Variants in SLC1A2 observed in about 807,000 individuals in gnomAD.
The protein encoded by SLC1A2 is solute carrier family 1 member 2.
In SLC1A2, 15 loss-of-function variants were observed where a neutral mutation model predicts 48.8. The observed-to-expected ratio is 0.31, with a 90% CI of 0.21 to 0.47. The LOEUF (loss-of-function observed/expected upper bound fraction) is 0.47, where lower values mean the gene tolerates loss of function less well. Ranked by LOEUF, SLC1A2 falls within the 20% of genes least tolerant of loss-of-function variation. SLC1A2 has a pLI of 0.99. For missense variants in SLC1A2, 502 were observed against 730.5 expected (o/e 0.69, Z 3.61); for synonymous variants, 279 against 272.6 (o/e 1.02, Z -0.23).
rs6484772 is a variant in SLC1A2 at position 35,269,072 on chromosome 11, T to C, written c.1422-3314A>G. Among the ~76,000 whole-genome samples, 1,002 of 152,308 alleles carry C rather than the reference T, an allele frequency of 6.6e-3. 10 individuals carry two copies. Among genetic ancestry groups the C allele is most frequent in the African/African-American group, 0.023 (948 of 41,562 alleles). On this transcript the variant is annotated intron_variant, in intron 9 of 10. Coordinates refer to ENST00000278379, the MANE Select transcript of SLC1A2 (RefSeq NM_004171.4). ...TGGAGATGGGACCATTGGGAGGTGA[T>C]TAGGTCACAAGGGTGGAGCCTTCAT...
intron 1 of SLC1A2, among the ~76,000 whole-genome samples, chr11:35,323,744 C>A (rs1034703808): frequency 1.3e-5 from 2 of 152,250 alleles, no homozygotes; most frequent in East Asian, 1.9e-4. Context: ...CCAACAGCAA[C>A]AATAACAACA....
At chr11:35,411,797 T>C (rs1320541423) in intron 1 of SLC1A2, among the ~76,000 whole-genome samples, 1 of 152,208 alleles carries the variant, frequency 6.6e-6, no homozygotes, top group South Asian at 2.1e-4. Flanking sequence ...TACAAATAGG[T>C]TTGACAATCA....
At chr11:35,405,860 T>C (rs139487744) in intron 1 of SLC1A2, among the ~76,000 whole-genome samples, 1 of 152,204 alleles carries the variant, frequency 6.6e-6, no homozygotes, top group Non-Finnish European at 1.5e-5. Context: ...CTTACCAAGA[T>C]GACCATGACC....
rs780103226 is a variant in SLC1A2 at position 35,254,483 on chromosome 11, G to C, written c.*6411C>G. The stretch of plus-strand genomic sequence containing the variant: ...GGGTCCATGGGGGAGAAACCTCAGA[G>C]ATGTGCTGGACCAACTTCCTTGGCT... On this transcript the variant is annotated 3_prime_UTR_variant, in exon 11 of 11. Coordinates refer to ENST00000278379, the MANE Select transcript of SLC1A2 (RefSeq NM_004171.4). The C allele has an allele frequency of 1.8e-5, 4 of 224,654 alleles. No homozygotes were observed. In the East Asian group the frequency reaches 5.1e-4, roughly 28 times the overall value. The allele number at this position is 224,654 out of a possible 1,614,324, so 13.9% of individuals were successfully genotyped here.
intron 10 of SLC1A2, among the ~76,000 whole-genome samples, chr11:35,263,759 A>G (rs371714661): frequency 6.6e-6 from 1 of 152,242 alleles, no homozygotes; most frequent in Non-Finnish European, 1.5e-5. Flanking sequence ...TCATCATTAC[A>G]ACATTATACA....
chr11:35,262,576 A>G (rs1418942644), intron 10 of SLC1A2, among the ~76,000 whole-genome samples: 1 of 152,236 alleles, frequency 6.6e-6, no homozygotes, highest in Non-Finnish European at 1.5e-5. Context: ...AGAATTAACC[A>G]TAAGGAAGTT....
Position 35,273,956 on chromosome 11 carries a change from T to C in SLC1A2, c.1421+6911A>G, listed in dbSNP as rs189428789. Among the ~76,000 whole-genome samples the C allele has an allele frequency of 2.4e-4, 36 of 152,330 alleles. No individual in the cohort carries two copies. The East Asian group carries it at 6.9e-3, about 29-fold the overall frequency. Reference sequence around the variant, plus strand: ...AGGAGAGAGGCACAGAGAGCTCAGATTACTTTACAGATGAAAAGGAGAGGG... The same window carrying C: ...AGGAGAGAGGCACAGAGAGCTCAGACTACTTTACAGATGAAAAGGAGAGGG... On this transcript the variant is annotated intron_variant, in intron 9 of 10. Transcript: ENST00000278379.
At chr11:35,283,421 C>T (rs1850705152) in intron 8 of SLC1A2, among the ~76,000 whole-genome samples, 1 of 152,132 alleles carries the variant, frequency 6.6e-6, no homozygotes, top group Admixed American at 6.5e-5. Context: ...CTTGTGGTGT[C>T]TACAATTTAG....
rs537162745 is a variant in SLC1A2 at position 35,375,768 on chromosome 11, C to G, written c.17+43182G>C. 4.6e-5 allele frequency among the ~76,000 whole-genome samples: 7 copies of G among 152,166 alleles called. 1 individual carries two copies. The South Asian group carries it at 1.0e-3, about 23-fold the overall frequency. ...GAGGAGGGCTACAGAGGAGGGTGAG[C>G]AATGGTAAAAGCTAAGACAGACTGA... On this transcript the variant is annotated intron_variant, in intron 1 of 10. Coordinates refer to ENST00000278379, the MANE Select transcript of SLC1A2 (RefSeq NM_004171.4).
chr11:35,287,069 T>C (rs998428070), intron 7 of SLC1A2, 118 bp from the exon 8 acceptor site: 26 of 785,880 alleles, frequency 3.3e-5, no homozygotes, highest in Non-Finnish European at 5.4e-5. Flanking sequence ...AATCAAGCAA[T>C]GTGACATGCA....
intron 2 of SLC1A2, 199 bp downstream of exon 2, chr11:35,317,178 C>T (rs1851908017): frequency 1.8e-6 from 1 of 541,786 alleles, no homozygotes; most frequent in East Asian, 2.8e-5. Context: ...TTAAGAACTA[C>T]TAGAATCCAA....
intron 1 of SLC1A2, among the ~76,000 whole-genome samples, chr11:35,336,790 C>T (rs1369005517): frequency 1.3e-5 from 2 of 152,180 alleles, no homozygotes; most frequent in Non-Finnish European, 2.9e-5. Context: ...CAAGCACTCA[C>T]AGCCGGGGTC....
At chr11:35,320,277 C>T (rs1396681261) in intron 1 of SLC1A2, among the ~76,000 whole-genome samples, 1 of 152,178 alleles carries the variant, frequency 6.6e-6, no homozygotes, top group Non-Finnish European at 1.5e-5. Flanking sequence ...TGAGTGTTCT[C>T]TATGTATCAG....
intron 1 of SLC1A2, among the ~76,000 whole-genome samples, chr11:35,387,971 C>A (rs1172145908): frequency 6.6e-6 from 1 of 152,196 alleles, no homozygotes; most frequent in Non-Finnish European, 1.5e-5. Context: ...GTTACTACAA[C>A]CTTATGAGGT....
At chr11:35,342,452 G>C (rs533632271) in intron 1 of SLC1A2, among the ~76,000 whole-genome samples, 20 of 152,232 alleles carry the variant, frequency 1.3e-4, no homozygotes, top group African/African-American at 4.6e-4. Flanking sequence ...GAAAATCAAA[G>C]CAGTTTGTCT....
intron 1 of SLC1A2, among the ~76,000 whole-genome samples, chr11:35,402,734 G>C (rs1192833341): frequency 6.6e-6 from 1 of 152,214 alleles, no homozygotes; most frequent in Non-Finnish European, 1.5e-5. Flanking sequence ...CCATAGCCCA[G>C]GTGGATAGCA....
chr11:35,292,166 C>A, intron 7 of SLC1A2, 121 bp downstream of exon 7: 1 of 739,254 alleles, frequency 1.4e-6, no homozygotes. Context: ...TCCAAAAGAT[C>A]TTAGTAATGT....
At chr11:35,306,362 C>A (rs1473727274) in intron 4 of SLC1A2, 120 bp from the exon 5 acceptor site, 4 of 671,550 alleles carry the variant, frequency 6.0e-6, no homozygotes, top group Middle Eastern at 5.2e-4. Flanking sequence ...TTAAGAAATG[C>A]CAAAACAAGG....
intron 4 of SLC1A2, among the ~76,000 whole-genome samples, chr11:35,310,718 C>G (rs1015976186): frequency 6.6e-6 from 1 of 152,042 alleles, no homozygotes; most frequent in Non-Finnish European, 1.5e-5. Context: ...TAATGGAAAC[C>G]GGGGTGTGCG....
Sources: gnomAD v4.1 joint callset for allele counts (sites outside exome capture counted in the v4.1 genomes callset) on GRCh38, gnomAD v4.1.1 for gene constraint, MANE v1.5 for transcripts, NCBI Gene and HGNC (gene_info 2026-07-23, HGNC 2026-07-21) for gene names.